KIT: variants seen among roughly 807,000 people sequenced by gnomAD.
KIT encodes the protein mast/stem cell growth factor receptor Kit.
In KIT, 16 loss-of-function variants were observed where a neutral mutation model predicts 105.7. That is an observed-to-expected ratio of 0.15 (90% CI 0.10 to 0.23). KIT has a LOEUF of 0.23. Ranked by LOEUF, KIT falls within the 10% of genes least tolerant of loss-of-function variation. The probability of loss-of-function intolerance (pLI) is 1.00; values close to 1 mark genes in which losing one functional copy is unlikely to be tolerated. For synonymous variants in KIT, 438 were observed against 441.1 expected (o/e 0.99, Z 0.09); for missense variants, 858 against 1,213.8 (o/e 0.71, Z 4.36).
At chr4:54,713,009 C>G (rs1179563154) in intron 7 of KIT, among the ~76,000 whole-genome samples, 1 of 151,918 alleles carries the variant, frequency 6.6e-6, no homozygotes, top group African/African-American at 2.4e-5. Flanking sequence ...TTTAAACTGT[C>G]TATGAGGTAC....
Position 54,727,484 on chromosome 4 carries a change from C to T in KIT, c.1716C>T (p.Asp572=), listed in dbSNP as rs2109776822. 6.2e-7 allele frequency: 1 copy of T among 1,614,018 alleles called. No homozygotes were observed. Among genetic ancestry groups the T allele is most frequent in the South Asian group, 1.1e-5 (1 of 91,086 alleles). ...EINGNNYVYI[D]PTQLPYDHKW... ...ATGGAAACAATTATGTTTACATAGA[C>T]CCAACACAACTTCCTTATGATCACA... is the stretch of plus-strand genomic sequence containing the variant. Residue 572 remains aspartate, a synonymous_variant, in exon 11 of 21, where the codon GAC becomes GAT. Coordinates refer to ENST00000288135, the MANE Select transcript of KIT (RefSeq NM_000222.3).
chr4:54,680,458 C>T (rs1203501665), intron 1 of KIT, among the ~76,000 whole-genome samples: 1 of 141,950 alleles, frequency 7.0e-6, no homozygotes, highest in East Asian at 2.2e-4. Flanking sequence ...GTGGCATGAT[C>T]TCTGCTCACT....
intron 1 of KIT, among the ~76,000 whole-genome samples, chr4:54,686,048 T>G (rs981165790): frequency 1.3e-5 from 2 of 152,206 alleles, no homozygotes; most frequent in African/African-American, 4.8e-5. Flanking sequence ...CAATTCCCAT[T>G]TCATCAATAA....
At chr4:54,658,298 C>A (rs1450206577) in intron 1 of KIT, among the ~76,000 whole-genome samples, 5 of 152,014 alleles carry the variant, frequency 3.3e-5, no homozygotes, top group Admixed American at 3.3e-4. Context: ...TGGTGGGGGA[C>A]GCGAATCCGG....
At chr4:54,735,782 A>C (rs1414834008) in intron 17 of KIT, among the ~76,000 whole-genome samples, 2 of 152,082 alleles carry the variant, frequency 1.3e-5, no homozygotes, top group African/African-American at 4.8e-5. Flanking sequence ...TTGACAGAAA[A>C]CCCAAAATAA....
chr4:54,667,121 G>C (rs1717757965), intron 1 of KIT, among the ~76,000 whole-genome samples: 1 of 152,098 alleles, frequency 6.6e-6, no homozygotes. Context: ...AAGCATGAAG[G>C]ACGGCTCCCA....
At chr4:54,712,480 A>G (rs571360395) in intron 7 of KIT, among the ~76,000 whole-genome samples, 2 of 152,124 alleles carry the variant, frequency 1.3e-5, no homozygotes, top group Non-Finnish European at 2.9e-5. Context: ...TTTAAGTCCA[A>G]AGGGGTGTTT....
chr4:54,696,042 G>T, intron 2 of KIT: 1 of 528,744 alleles, frequency 1.9e-6, no homozygotes. Flanking sequence ...CATTTGTGCT[G>T]GTGCTTTGAG....
At chr4:54,724,182 C>T (rs1294190361) in intron 8 of KIT, among the ~76,000 whole-genome samples, 1 of 152,138 alleles carries the variant, frequency 6.6e-6, no homozygotes, top group African/African-American at 2.4e-5. Context: ...GTGCCCAGCC[C>T]CTGAACAGAG....
At chr4:54,690,473 G>A (rs1024547339) in intron 1 of KIT, among the ~76,000 whole-genome samples, 8 of 152,194 alleles carry the variant, frequency 5.3e-5, no homozygotes, top group African/African-American at 1.7e-4. Context: ...AATAGTTCCC[G>A]GAGTTCCTAG....
At chr4:54,724,114 C>CA (rs1160321619) in intron 8 of KIT, among the ~76,000 whole-genome samples, 1 of 152,188 alleles carries the variant, frequency 6.6e-6, no homozygotes, top group African/African-American at 2.4e-5. Context: ...CGCACAATTA[C>CA]AACATACATA....
intron 17 of KIT, among the ~76,000 whole-genome samples, chr4:54,735,538 GAGTC>G (rs1722881209): frequency 6.6e-6 from 1 of 152,166 alleles, no homozygotes; most frequent in Non-Finnish European, 1.5e-5. Flanking sequence ...GTTCTCCAAA[GAGTC>G]AGGATCACAA....
intron 1 of KIT, among the ~76,000 whole-genome samples, chr4:54,685,403 C>T (rs1165470101): frequency 6.6e-6 from 1 of 152,178 alleles, no homozygotes; most frequent in Non-Finnish European, 1.5e-5. Context: ...GGATATTTTT[C>T]TCCTTGCTTC....
At chr4:54,715,524 C>G (rs750811170) in intron 7 of KIT, among the ~76,000 whole-genome samples, 4 of 152,026 alleles carry the variant, frequency 2.6e-5, no homozygotes, top group South Asian at 4.1e-4. Context: ...ACAGGCATCA[C>G]ATGGCAAGAG....
At chr4:54,672,483 G>A (rs1442951151) in intron 1 of KIT, among the ~76,000 whole-genome samples, 2 of 151,970 alleles carry the variant, frequency 1.3e-5, no homozygotes, top group Admixed American at 1.3e-4. Context: ...CTGTTTTTGT[G>A]GGGGCTATTT....
intron 1 of KIT, among the ~76,000 whole-genome samples, chr4:54,669,796 TAAG>T (rs1717978951): frequency 6.6e-6 from 1 of 151,618 alleles, no homozygotes; most frequent in Non-Finnish European, 1.5e-5. Context: ...TGTGGTTAGT[TAAG>T]GAAGAAAGAG....
At chr4:54,692,593 A>G (rs1719785722) in intron 1 of KIT, among the ~76,000 whole-genome samples, 2 of 152,260 alleles carry the variant, frequency 1.3e-5, no homozygotes, top group African/African-American at 2.4e-5. Flanking sequence ...ATTTGCTATC[A>G]ATATCATGCA....
intron 1 of KIT, among the ~76,000 whole-genome samples, chr4:54,683,660 AAC>A (rs1459427180): frequency 6.6e-6 from 1 of 152,194 alleles, no homozygotes; most frequent in Non-Finnish European, 1.5e-5. Context: ...CTGTCTCTAA[AAC>A]ACACTCACTG....
intron 7 of KIT, among the ~76,000 whole-genome samples, chr4:54,716,262 G>A: frequency 6.6e-6 from 1 of 152,068 alleles, no homozygotes; most frequent in South Asian, 2.1e-4. Context: ...TTATTTACTT[G>A]CTTTTGAGAG....
Sources: allele counts gnomAD v4.1 joint callset (sites outside exome capture counted in the v4.1 genomes callset), GRCh38; gene constraint gnomAD v4.1.1; transcripts MANE v1.5; gene names NCBI Gene and HGNC (gene_info 2026-07-23, HGNC 2026-07-21).